Variants in DUS3L observed in about 807,000 individuals in gnomAD.
DUS3L encodes dihydrouridine synthase 3 like.
DUS3L carries 62 observed loss-of-function variants against 74.6 expected under a neutral mutation model. The ratio of observed to expected loss-of-function variants is 0.83; its 90% CI spans 0.68 to 1.03. DUS3L has a LOEUF of 1.03. DUS3L is among the 50% of genes least tolerant of loss of function. The pLI is 0.00. For synonymous variants in DUS3L, 433 were observed against 395.7 expected (o/e 1.09, Z -1.12); for missense variants, 884 against 924.4 (o/e 0.96, Z 0.57).
In DUS3L at chr19:5,789,631, C is replaced by G. The variant is rs747890515; in HGVS notation, c.476G>C (p.Gly159Ala). The G allele has an allele frequency of 6.2e-7, 1 of 1,603,776 alleles. No homozygotes were observed. Among genetic ancestry groups the G allele is most frequent in the Non-Finnish European group, 8.5e-7 (1 of 1,176,612 alleles). Reference sequence around the variant, plus strand: ...GGTCTCGAAGAGCACGCAGCGGGGGCCCAGGTCGGCCGGCTTGGTCTCCAG... The same window carrying G: ...GGTCTCGAAGAGCACGCAGCGGGGGGCCAGGTCGGCCGGCTTGGTCTCCAG... Reference protein sequence around the residue: ...RYLETKPADLGPRCVLFETFG... With the variant: ...RYLETKPADLAPRCVLFETFG... Residue 159 changes from glycine (G) to alanine (A), a missense_variant, in exon 3 of 13, where the codon GGC becomes GCC. Gly to Ala is a moderately conservative substitution (Grantham distance 60). Coordinates refer to ENST00000309061, the MANE Select transcript of DUS3L (RefSeq NM_020175.3).
In DUS3L at chr19:5,790,270, C is replaced by T. The variant is rs139575458; in HGVS notation, c.164G>A (p.Arg55Gln). 32 of 1,614,174 alleles carry T rather than the reference C, an allele frequency of 2.0e-5. No individual in the cohort carries two copies. In the East Asian group the frequency reaches 2.5e-4, roughly 12 times the overall value. Residue 55 changes from arginine to glutamine, a missense_variant, in exon 2 of 13, where the codon CGG becomes CAG. By Grantham distance (43) the Arg-to-Gln change is conservative. Transcript: ENST00000309061. ...AGCAGGGTCTCCTACCTCGGTTTCC[C>T]GGCAAGTCTTCTCCTGCCCTTTGGC... ...LEAKGQEKTC[R>Q]ETEVGDPAGN...
At position 5,785,385 on chromosome 19, in the gene DUS3L, G is replaced by C. The variant is rs1276289143; in HGVS notation, c.1878C>G (p.Ile626Met). Residue 626 changes from isoleucine (I) to methionine (M), a missense_variant and splice_region_variant, in exon 12 of 13, where the codon ATC (isoleucine) becomes ATG (methionine). Coordinates refer to ENST00000309061, the MANE Select transcript of DUS3L (RefSeq NM_020175.3). ...CCAACTCCAGCCCACCCAGGCACCT[G>C]ATGCGGATCCAGTCGGCTGCCTTCT... ...ASQKAADWIR[I>M]SEMLLGPVPP... The C allele has an allele frequency of 1.2e-6, 2 of 1,600,114 alleles. No homozygotes were observed. The highest frequency in any genetic ancestry group is 3.4e-5 in the Admixed American group (2 of 58,816).
At chr19:5,790,536 T>C (rs1252433723) in intron 1 of DUS3L, among the ~76,000 whole-genome samples, 1 of 152,090 alleles carries the variant, frequency 6.6e-6, no homozygotes, top group Non-Finnish European at 1.5e-5. Flanking sequence ...CTGTCCAAAG[T>C]GTTGCGCGAA....
chr19:5,787,766 G>A lies in DUS3L; in HGVS notation c.1096-61C>T. 1.9e-6 allele frequency: 3 copies of A among 1,574,070 alleles called. No homozygotes were observed. In the South Asian group the frequency reaches 3.3e-5, roughly 17 times the overall value. ...GGAGAGTCCGAACTGTCCCCACTTGGCCGTTCCCTCCCCACTGGGGGGCCC... is the reference window on the plus strand; with the variant it reads ...GGAGAGTCCGAACTGTCCCCACTTGACCGTTCCCTCCCCACTGGGGGGCCC... On this transcript the variant is annotated intron_variant, in intron 5 of 12. Transcript: ENST00000309061.
At position 5,785,214 on chromosome 19, in the gene DUS3L, C is replaced by T. The variant is rs773871088; in HGVS notation, c.1942G>A (p.Ala648Thr). Reference protein sequence around the residue: ...FAFLPKHKANAYK With the variant: ...FAFLPKHKANTYK ...GGGAAAGCCTGAGGCTACTTGTACG[C>T]GTTGGCCTTGTGCTTCGGCAAGAAG... is the stretch of plus-strand genomic sequence containing the variant. Residue 648 changes from alanine (A) to threonine (T), a missense_variant, in exon 13 of 13, where the codon GCG becomes ACG. Transcript: ENST00000309061. 8.7e-6 allele frequency: 14 copies of T among 1,607,956 alleles called. No individual in the cohort carries two copies. The highest frequency in any genetic ancestry group is 4.0e-5 in the African/African-American group (3 of 74,884).
In DUS3L at chr19:5,788,370, G is replaced by A. The variant is rs919590224; in HGVS notation, c.929C>T (p.Ala310Val). The change falls in exon 4 of 13, where the codon GCC (alanine) becomes GTC (valine). Residue 310 changes from alanine (A) to valine (V), a missense_variant. Ala to Val is a moderately conservative substitution (Grantham distance 64). Coordinates refer to ENST00000309061, the MANE Select transcript of DUS3L (RefSeq NM_020175.3). ...RLDIRGKLYL[A>V]PLTTCGNLPF... Reference sequence around the variant, plus strand: ...CCCAGGTCCTACCGTGGTGAGGGGGGCCAGGTAAAGTTTGCCACGGATGTC... The same window carrying A: ...CCCAGGTCCTACCGTGGTGAGGGGGACCAGGTAAAGTTTGCCACGGATGTC... 3.1e-6 allele frequency: 5 copies of A among 1,613,670 alleles called. No homozygotes were observed. In the South Asian group the frequency reaches 4.4e-5, roughly 14 times the overall value.
intron 3 of DUS3L, among the ~76,000 whole-genome samples, chr19:5,788,924 T>C (rs1274641601): frequency 4.6e-5 from 7 of 152,076 alleles, no homozygotes; most frequent in African/African-American, 1.7e-4. Flanking sequence ...CTAGGCTGGT[T>C]TTGAACTCCC....
At chr19:5,788,883 T>A (rs1318686716) in intron 3 of DUS3L, among the ~76,000 whole-genome samples, 1 of 152,120 alleles carries the variant, frequency 6.6e-6, no homozygotes, top group Non-Finnish European at 1.5e-5. Flanking sequence ...ATTTTTGTAT[T>A]TTTAGTAGAG....
At position 5,787,927 on chromosome 19, in the gene DUS3L, G is replaced by A. The variant is rs967025213; in HGVS notation, c.1095+97C>T. 6.5e-6 allele frequency: 10 copies of A among 1,545,528 alleles called. No homozygotes were observed. In the African/African-American group the frequency reaches 9.5e-5, roughly 15 times the overall value. ...ACCCCCACTCCACAGCTGAGGCCAG[G>A]GGGTCAGGGAGGCAACCAGGGCAGA... On this transcript the variant is annotated intron_variant, in intron 5 of 12. Coordinates refer to ENST00000309061, the MANE Select transcript of DUS3L (RefSeq NM_020175.3).
chr19:5,790,285 T>C lies in DUS3L; in HGVS notation c.149A>G (p.Gln50Arg), dbSNP rs758186249. 1.2e-6 allele frequency: 2 copies of C among 1,614,202 alleles called. No homozygotes were observed. Among genetic ancestry groups the C allele is most frequent in the East Asian group, 2.2e-5 (1 of 44,878 alleles). The change falls in exon 2 of 13, where the codon CAG becomes CGG. Residue 50 changes from glutamine (Q) to arginine (R), a missense_variant. Gln to Arg is a conservative substitution (Grantham distance 43). Coordinates refer to ENST00000309061, the MANE Select transcript of DUS3L (RefSeq NM_020175.3). ...CTCGGTTTCCCGGCAAGTCTTCTCC[T>C]GCCCTTTGGCTTCCAGGAATTGGTG... ...QFHQFLEAKG[Q>R]EKTCRETEVG... is the part of the protein sequence containing the mutation.
In DUS3L at chr19:5,785,520, G is replaced by A. The variant is rs969898040; in HGVS notation, c.1752-9C>T. 1.3e-6 allele frequency: 2 copies of A among 1,531,010 alleles called. No homozygotes were observed. Among genetic ancestry groups the A allele is most frequent in the African/African-American group, 2.7e-5 (2 of 73,234 alleles). 94.8% of individuals were successfully genotyped at this position (1,531,010 alleles called of 1,614,324 possible). A position where few individuals can be genotyped will look rare whatever the true frequency, so the allele number is the denominator to read the frequency against. On this transcript the variant is annotated splice_polypyrimidine_tract_variant and intron_variant, in intron 11 of 12. Transcript: ENST00000309061. ...GCCCCACGGGCACGTACCTGCGGCG[G>A]GTGGGCGGGCAGGACAGGCTTGAGT... is the stretch of plus-strand genomic sequence containing the variant.
chr19:5,790,428 TCTG>T, intron 1 of DUS3L, 93 bp from the exon 2 acceptor site: 1 of 1,485,974 alleles, frequency 6.7e-7, no homozygotes, highest in Non-Finnish European at 9.2e-7. Context: ...CTTAAATCCT[TCTG>T]CTGATGGGGA....
chr19:5,786,871 T>G, intron 8 of DUS3L, 26 bp from the exon 9 acceptor site: 3 of 1,587,964 alleles, frequency 1.9e-6, no homozygotes, highest in African/African-American at 1.4e-5. Flanking sequence ...CCACGCAGGG[T>G]AGGAGGCAGA....
intron 4 of DUS3L, 57 bp downstream of exon 4, chr19:5,788,300 T>G: frequency 6.2e-7 from 1 of 1,612,568 alleles, no homozygotes; most frequent in Non-Finnish European, 8.5e-7. Flanking sequence ...CTAAGCCCTG[T>G]TGGAATGACC....
Position 5,785,416 on chromosome 19 carries a change from G to C in DUS3L, c.1847C>G (p.Ala616Gly). 1 of 1,594,398 alleles carries C rather than the reference G, an allele frequency of 6.3e-7. No homozygotes were observed. The change falls in exon 12 of 13, where the codon GCC (alanine) becomes GGC (glycine). Residue 616 changes from alanine to glycine, a missense_variant. Transcript: ENST00000309061. The stretch of plus-strand genomic sequence containing the variant: ...GATCCAGTCGGCTGCCTTCTGGCTG[G>C]CCATCAGCGTCTCCAGGTAGTCGCG... The part of the protein sequence containing the change: ...LGRDYLETLM[A>G]SQKAADWIRI...
intron 9 of DUS3L, 66 bp from the exon 10 acceptor site, chr19:5,786,608 C>T (rs2144728758): frequency 6.3e-7 from 1 of 1,589,474 alleles, no homozygotes; most frequent in Non-Finnish European, 8.6e-7. Flanking sequence ...TTCTGCTCAC[C>T]AGCCCTTCAG....
At chr19:5,790,711 A>T (rs939985190) in intron 1 of DUS3L, 2 of 534,010 alleles carry the variant, frequency 3.7e-6, no homozygotes, top group Non-Finnish European at 3.3e-6. Context: ...ACTCGCTTCA[A>T]CCCCAAGACC....
chr19:5,786,391 G>T (rs936942986), intron 10 of DUS3L, 76 bp downstream of exon 10: 5 of 1,437,382 alleles, frequency 3.5e-6, no homozygotes, highest in Non-Finnish European at 4.8e-6. Context: ...CAGAACAGGG[G>T]TGGGTGACGG....
intron 3 of DUS3L, 100 bp downstream of exon 3, chr19:5,789,107 G>A (rs1209957051): frequency 8.9e-6 from 13 of 1,463,252 alleles, no homozygotes; most frequent in Non-Finnish European, 1.2e-5. Flanking sequence ...CACAGCCTCT[G>A]ACTCCCAGGC....
Sources: allele counts gnomAD v4.1 joint callset (sites outside exome capture counted in the v4.1 genomes callset), GRCh38; gene constraint gnomAD v4.1.1; transcripts MANE v1.5; gene names NCBI Gene and HGNC (gene_info 2026-07-23, HGNC 2026-07-21).